The following NCKAP5 variants were observed in gnomAD, a reference collection of about 807,000 sequenced individuals.
The protein encoded by NCKAP5 is nck-associated protein 5.
In NCKAP5, 92 loss-of-function variants were observed where a neutral mutation model predicts 167.0. That is an observed-to-expected ratio of 0.55 (90% CI 0.47 to 0.66). The LOEUF is 0.66. Among genes scored for constraint, NCKAP5 ranks in the 30% least tolerant of loss-of-function variants. The probability of loss-of-function intolerance (pLI) is 0.00; values close to 1 mark genes in which losing one functional copy is unlikely to be tolerated. For synonymous variants in NCKAP5, 891 were observed against 877.4 expected (o/e 1.02, Z -0.27); for missense variants, 2,378 against 2,315.0 (o/e 1.03, Z -0.56).
rs550763362 is a variant in NCKAP5, at chr2:132,767,608, G to A, written c.5128+6208C>T. On this transcript the variant is annotated intron_variant, in intron 16 of 19. Transcript: ENST00000409261. Reference sequence around the variant, plus strand: ...CTTGTTACAATACAAATATGTGGCCGAAAAAGGTACCTGTATAATCCGTAA... The same window carrying A: ...CTTGTTACAATACAAATATGTGGCCAAAAAAGGTACCTGTATAATCCGTAA... Among the ~76,000 whole-genome samples, 34 of 152,282 alleles carry A rather than the reference G, an allele frequency of 2.2e-4. No individual in the cohort carries two copies. The South Asian group carries it at 2.9e-3, about 13-fold the overall frequency.
intron 6 of NCKAP5, among the ~76,000 whole-genome samples, chr2:133,103,498 A>T (rs893285740): frequency 6.6e-6 from 1 of 152,206 alleles, no homozygotes; most frequent in Non-Finnish European, 1.5e-5. Context: ...GGCATTATTT[A>T]TATGGAAGCT....
chr2:133,670,483 G>T, the NCKAP5 span, among the ~76,000 whole-genome samples: 2 of 152,132 alleles, frequency 1.3e-5, no homozygotes, highest in African/African-American at 4.8e-5. Flanking sequence ...TGTACTACAT[G>T]CTACCTTATT....
At chr2:133,211,260 T>C (rs973712854) in intron 5 of NCKAP5, among the ~76,000 whole-genome samples, 4 of 152,126 alleles carry the variant, frequency 2.6e-5, no homozygotes, top group African/African-American at 7.2e-5. Flanking sequence ...AGACAGGGTT[T>C]TGCTCTGTCA....
chr2:133,100,228 A>C (rs2081466357), intron 6 of NCKAP5, among the ~76,000 whole-genome samples: 1 of 152,238 alleles, frequency 6.6e-6, no homozygotes. Flanking sequence ...GCTATGGTCA[A>C]CCACTTGATC....
At chr2:132,952,839 C>A (rs1349240688) in intron 8 of NCKAP5, among the ~76,000 whole-genome samples, 4 of 152,304 alleles carry the variant, frequency 2.6e-5, no homozygotes, top group Non-Finnish European at 5.9e-5. Flanking sequence ...CATAAATATT[C>A]TCTCCATAGC....
intron 11 of NCKAP5, among the ~76,000 whole-genome samples, chr2:132,831,381 C>A (rs901210557): frequency 6.6e-6 from 1 of 152,156 alleles, no homozygotes; most frequent in African/African-American, 2.4e-5. Context: ...AATTACCTTT[C>A]AACAAAAGTG....
At chr2:133,421,612 G>T (rs1340814214) in intron 3 of NCKAP5, among the ~76,000 whole-genome samples, 3 of 152,152 alleles carry the variant, frequency 2.0e-5, no homozygotes, top group African/African-American at 7.2e-5. Context: ...CCAAGCCACA[G>T]GCACAGCCTG....
At chr2:133,017,906 A>C (rs1230264160) in intron 6 of NCKAP5, among the ~76,000 whole-genome samples, 1 of 152,170 alleles carries the variant, frequency 6.6e-6, no homozygotes, top group Non-Finnish European at 1.5e-5. Flanking sequence ...CAAGATGGTA[A>C]AAAACGAAAG....
At chr2:133,260,190 A>G (rs2088831412) in intron 4 of NCKAP5, among the ~76,000 whole-genome samples, 1 of 152,224 alleles carries the variant, frequency 6.6e-6, no homozygotes, top group Non-Finnish European at 1.5e-5. Flanking sequence ...AATGTTCAAT[A>G]TTAGAATAAA....
At chr2:132,737,678 T>A (rs1164072995) in intron 16 of NCKAP5, among the ~76,000 whole-genome samples, 1 of 152,148 alleles carries the variant, frequency 6.6e-6, no homozygotes, top group Non-Finnish European at 1.5e-5. Context: ...GCAAATTAGA[T>A]CCCACTATCT....
the NCKAP5 span, among the ~76,000 whole-genome samples, chr2:133,610,436 G>A: frequency 2.0e-5 from 3 of 152,242 alleles, no homozygotes; most frequent in Admixed American, 2.0e-4. Flanking sequence ...AGGGCTAAAT[G>A]ACTATCATTC....
intron 3 of NCKAP5, among the ~76,000 whole-genome samples, chr2:133,435,376 G>T (rs1179717707): frequency 6.6e-6 from 1 of 152,198 alleles, no homozygotes; most frequent in Non-Finnish European, 1.5e-5. Flanking sequence ...CTGAAATGCA[G>T]TTCTTGTTGC....
chr2:133,415,558 C>A (rs759894483), intron 3 of NCKAP5, among the ~76,000 whole-genome samples: 3 of 152,174 alleles, frequency 2.0e-5, no homozygotes, highest in Non-Finnish European at 4.4e-5. Flanking sequence ...TTAGATAATA[C>A]ATGTATAGGT....
chr2:133,189,182 A>C (rs1001006804), intron 5 of NCKAP5, among the ~76,000 whole-genome samples: 10 of 152,198 alleles, frequency 6.6e-5, no homozygotes, highest in African/African-American at 1.9e-4. Context: ...CAGAAAATCT[A>C]GAAGAAATGG....
intron 1 of NCKAP5, among the ~76,000 whole-genome samples, chr2:133,561,699 A>G (rs1816382): frequency 0.51 from 76,983 of 152,028 alleles, 20,185 homozygotes; most frequent in South Asian, 0.61. Flanking sequence ...CTGATATGGC[A>G]CAACTAATTA....
rs1183904781 is a variant in NCKAP5 at position 132,860,561 on chromosome 2, T to C, written c.738A>G (p.Glu246=). 11 of 1,587,386 alleles carry C rather than the reference T, an allele frequency of 6.9e-6. No homozygotes were observed. The South Asian group carries it at 1.0e-4, about 15-fold the overall frequency. Residue 246 remains glutamate, a synonymous_variant, in exon 11 of 20, where the codon GAA becomes GAG. Coordinates refer to ENST00000409261, the MANE Select transcript of NCKAP5 (RefSeq NM_207363.3). ...VKLKTRVFDL[E]QQNRTLSILF... ...GGATGCTTAGTGTTCGATTCTGCTG[T>C]TCCAAATCAAACACTCTTGTTTTCA...
chr2:133,400,926 A>G (rs1363796467), intron 3 of NCKAP5, among the ~76,000 whole-genome samples: 2 of 152,096 alleles, frequency 1.3e-5, no homozygotes, highest in Non-Finnish European at 2.9e-5. Flanking sequence ...AGTGATACGA[A>G]TGAGGGCAGC....
chr2:133,515,337 T>C (rs891251817), intron 3 of NCKAP5, among the ~76,000 whole-genome samples: 1 of 152,188 alleles, frequency 6.6e-6, no homozygotes, highest in Non-Finnish European at 1.5e-5. Context: ...TGCTATAATG[T>C]TGAAAAGCAT....
Position 132,784,829 on chromosome 2 carries a change from G to C in NCKAP5, c.1982C>G (p.Thr661Ser). The change falls in exon 14 of 20, where the codon ACT becomes AGT. Residue 661 changes from threonine to serine, a missense_variant. Coordinates refer to ENST00000409261, the MANE Select transcript of NCKAP5 (RefSeq NM_207363.3). ...CACAGTCACACATTCTTCTGAAGAA[G>C]TCCTTTTTACAACTCTTTGCTGCTT... ...FIKQQRVVKR[T>S]SSEECVTVIF... The C allele has an allele frequency of 6.3e-7, 1 of 1,581,430 alleles. No individual in the cohort carries two copies. The highest frequency in any genetic ancestry group is 8.6e-7 in the Non-Finnish European group (1 of 1,162,700).
Sources: gnomAD v4.1 joint callset for allele counts (sites outside exome capture counted in the v4.1 genomes callset) on GRCh38, gnomAD v4.1.1 for gene constraint, MANE v1.5 for transcripts, NCBI Gene and HGNC (gene_info 2026-07-23, HGNC 2026-07-21) for gene names.